Variants in NOCT observed in about 807,000 individuals in gnomAD.
The protein encoded by NOCT is nocturnin.
NOCT carries 18 observed loss-of-function variants against 35.0 expected under a neutral mutation model. The ratio of observed to expected loss-of-function variants is 0.51; its 90% CI spans 0.36 to 0.76. NOCT has a LOEUF of 0.76. Among genes scored for constraint, NOCT ranks in the 30% least tolerant of loss-of-function variants. NOCT has a pLI of 0.01. For synonymous variants in NOCT, 235 were observed against 226.3 expected (o/e 1.04, Z -0.34); for missense variants, 479 against 541.0 (o/e 0.89, Z 1.14).
Position 139,044,996 on chromosome 4 carries a change from G to A in NOCT, c.818G>A (p.Cys273Tyr). The A allele has an allele frequency of 6.2e-7, 1 of 1,614,232 alleles. No homozygotes were observed. The change falls in exon 3 of 3, where the codon TGC (cysteine) becomes TAC (tyrosine). Residue 273 changes from cysteine to tyrosine, a missense_variant. Around this residue, in one of 2 missense-constraint regions of NOCT, gnomAD observed 214 missense variants for 284.0 expected, o/e 0.75. Coordinates refer to ENST00000280614, the MANE Select transcript of NOCT (RefSeq NM_012118.4). ...NQVAIAQTLECKESGRQFCIA... is the reference protein window; with the variant it reads ...NQVAIAQTLEYKESGRQFCIA... ...GTGGCCATTGCACAGACCCTGGAGTGCAAGGAGTCAGGCCGACAGTTCTGC... is the reference window on the plus strand; with the variant it reads ...GTGGCCATTGCACAGACCCTGGAGTACAAGGAGTCAGGCCGACAGTTCTGC...
intron 1 of NOCT, among the ~76,000 whole-genome samples, chr4:139,036,587 T>C (rs574533648): frequency 6.6e-6 from 1 of 152,336 alleles, no homozygotes; most frequent in Non-Finnish European, 1.5e-5. Context: ...TTAACCCTTA[T>C]TATACCCTAG....
At chr4:139,033,883 A>AT (rs1726670446) in intron 1 of NOCT, among the ~76,000 whole-genome samples, 1 of 151,218 alleles carries the variant, frequency 6.6e-6, no homozygotes, top group Non-Finnish European at 1.5e-5. Context: ...TGCCCAGCTA[A>AT]TTTTTTCTTT....
At chr4:139,043,975 A>AATAAGTAT (rs1726885800) in intron 2 of NOCT, 1 of 98,006 alleles carries the variant, frequency 1.0e-5, no homozygotes, top group Non-Finnish European at 2.1e-5. Flanking sequence ...GTCTCAAAAA[A>AATAAGTAT]ATATGTATAT....
At chr4:139,032,150 T>C (rs1349082236) in intron 1 of NOCT, among the ~76,000 whole-genome samples, 3 of 152,234 alleles carry the variant, frequency 2.0e-5, no homozygotes, top group African/African-American at 7.2e-5. Context: ...AGAAGAGTTA[T>C]ATTCTTATAC....
intron 1 of NOCT, among the ~76,000 whole-genome samples, chr4:139,032,089 C>G (rs961878370): frequency 1.8e-4 from 28 of 152,152 alleles, no homozygotes; most frequent in African/African-American, 6.8e-4. Context: ...TTTCAGAAAT[C>G]TAAATAATCT....
intron 1 of NOCT, among the ~76,000 whole-genome samples, chr4:139,036,583 C>T (rs1726742635): frequency 1.3e-5 from 2 of 152,254 alleles, no homozygotes; most frequent in South Asian, 4.1e-4. Context: ...TGTTTTAACC[C>T]TTATTATACC....
At chr4:139,038,366 G>A (rs1041509121) in intron 1 of NOCT, among the ~76,000 whole-genome samples, 1 of 152,012 alleles carries the variant, frequency 6.6e-6, no homozygotes, top group African/African-American at 2.4e-5. Context: ...GTCTTCTGAG[G>A]GTGAATTTGT....
chr4:139,032,540 T>G (rs1726645042), intron 1 of NOCT, among the ~76,000 whole-genome samples: 1 of 152,118 alleles, frequency 6.6e-6, no homozygotes, highest in South Asian at 2.1e-4. Context: ...ATTACTGTGT[T>G]TGTGAAAAAT....
intron 1 of NOCT, among the ~76,000 whole-genome samples, chr4:139,022,631 GTC>G (rs1726438336): frequency 6.6e-6 from 1 of 152,178 alleles, no homozygotes; most frequent in African/African-American, 2.4e-5. Flanking sequence ...CCTATTCTAA[GTC>G]TCTCAGTGAT....
At chr4:139,031,961 C>T (rs1164302709) in intron 1 of NOCT, among the ~76,000 whole-genome samples, 4 of 151,704 alleles carry the variant, frequency 2.6e-5, no homozygotes. Flanking sequence ...GATCCACCCA[C>T]CTTGGCCTCC....
At chr4:139,025,513 TA>T (rs1560730100) in intron 1 of NOCT, among the ~76,000 whole-genome samples, 1 of 152,178 alleles carries the variant, frequency 6.6e-6, no homozygotes, top group Non-Finnish European at 1.5e-5. Flanking sequence ...ATGCATTCTT[TA>T]AAAAATTTTA....
chr4:139,017,239 T>C (rs866840070), intron 1 of NOCT, among the ~76,000 whole-genome samples: 7 of 150,228 alleles, frequency 4.7e-5, no homozygotes, highest in Admixed American at 1.3e-4. Context: ...TTTTTTTTTT[T>C]TTTTTGAGAC....
chr4:139,037,020 A>G (rs1434216105), intron 1 of NOCT, among the ~76,000 whole-genome samples: 3 of 152,188 alleles, frequency 2.0e-5, no homozygotes, highest in Admixed American at 6.5e-5. Flanking sequence ...TCCTAACTTC[A>G]TGCTCATTAT....
At chr4:139,025,659 T>C (rs796634149) in intron 1 of NOCT, among the ~76,000 whole-genome samples, 2 of 152,116 alleles carry the variant, frequency 1.3e-5, no homozygotes, top group African/African-American at 4.8e-5. Flanking sequence ...AAATTAGCCA[T>C]GCGTGGTGGC....
At chr4:139,030,609 A>G (rs1283593033) in intron 1 of NOCT, among the ~76,000 whole-genome samples, 2 of 152,208 alleles carry the variant, frequency 1.3e-5, no homozygotes, top group Non-Finnish European at 2.9e-5. Flanking sequence ...CCTGGTTGCT[A>G]TGAATCTTTA....
At chr4:139,042,959 T>C (rs1024670294) in intron 1 of NOCT, 115 bp from the exon 2 acceptor site, 2 of 914,994 alleles carry the variant, frequency 2.2e-6, no homozygotes, top group East Asian at 2.5e-5. Context: ...TACACTATTA[T>C]GGCAACAATT....
chr4:139,040,906 TA>T (rs796691356), intron 1 of NOCT, among the ~76,000 whole-genome samples: 63 of 142,790 alleles, frequency 4.4e-4, no homozygotes, highest in Middle Eastern at 3.6e-3. Context: ...CTACAGGAAG[TA>T]AAAAAAAAAA....
intron 1 of NOCT, among the ~76,000 whole-genome samples, chr4:139,025,533 A>T (rs1726496753): frequency 6.6e-6 from 1 of 152,214 alleles, no homozygotes; most frequent in Non-Finnish European, 1.5e-5. Context: ...TAAAGAGGCC[A>T]GGCGCGGTGG....
chr4:139,024,075 TTA>T (rs1408801584), intron 1 of NOCT, among the ~76,000 whole-genome samples: 24 of 150,214 alleles, frequency 1.6e-4, no homozygotes, highest in African/African-American at 5.9e-4. Flanking sequence ...TTAAATTATT[TTA>T]GAGACAGAGT....
Sources: allele counts gnomAD v4.1 joint callset (sites outside exome capture counted in the v4.1 genomes callset), GRCh38; gene constraint gnomAD v4.1.1; regional missense constraint gnomAD v4.1.1; transcripts MANE v1.5; gene names NCBI Gene and HGNC (gene_info 2026-07-23, HGNC 2026-07-21).